Variants in OGDH observed in about 807,000 individuals in gnomAD.
OGDH encodes oxoglutarate dehydrogenase.
Under a neutral mutation model 116.6 loss-of-function variants are expected in OGDH, and 38 were observed. That is an observed-to-expected ratio of 0.33 (90% CI 0.25 to 0.43). OGDH has a LOEUF of 0.43. Ranked by LOEUF, OGDH falls within the 20% of genes least tolerant of loss-of-function variation. OGDH has a pLI of 1.00. For synonymous variants in OGDH, 488 were observed against 533.3 expected (o/e 0.92, Z 1.17); for missense variants, 825 against 1,357.2 (o/e 0.61, Z 6.16).
intron 2 of OGDH, among the ~76,000 whole-genome samples, chr7:44,632,134 T>C (rs986785669): frequency 6.6e-6 from 1 of 152,112 alleles, no homozygotes; most frequent in Non-Finnish European, 1.5e-5. Flanking sequence ...TGTGGGAGCA[T>C]GGACCCCTCA....
At chr7:44,666,065 G>A (rs984761787) in intron 4 of OGDH, among the ~76,000 whole-genome samples, 2 of 152,168 alleles carry the variant, frequency 1.3e-5, no homozygotes, top group African/African-American at 4.8e-5. Flanking sequence ...TGACTGCTGA[G>A]TATTGCCTGC....
intron 5 of OGDH, among the ~76,000 whole-genome samples, chr7:44,668,613 C>T (rs1787289433): frequency 1.3e-5 from 2 of 151,922 alleles, no homozygotes; most frequent in Non-Finnish European, 2.9e-5. Context: ...AGCTTGTGGC[C>T]AGTGGGATGT....
intron 2 of OGDH, among the ~76,000 whole-genome samples, chr7:44,633,252 C>CAAAAAA (rs1163808681): frequency 2.4e-5 from 2 of 81,682 alleles, no homozygotes; most frequent in Admixed American, 1.5e-4. Flanking sequence ...GACTCTGTGT[C>CAAAAAA]AAAAAAAAAA....
chr7:44,622,925 T>G (rs187523587), intron 1 of OGDH: 1 of 152,328 alleles, frequency 6.6e-6, no homozygotes, highest in East Asian at 1.9e-4. Context: ...AGCTGGTGCC[T>G]GCCTTATTGG....
rs931613917 is a variant in OGDH, at chr7:44,674,276, C to T, written c.789-135C>T. 8.8e-6 allele frequency: 9 copies of T among 1,026,248 alleles called. No individual in the cohort carries two copies. In the African/African-American group the frequency reaches 1.3e-4, roughly 15 times the overall value. 63.6% of individuals were successfully genotyped at this position (1,026,248 alleles called of 1,614,324 possible). ...GCCAGGCTGGTCTCGAACTCCTGAC[C>T]TCAGCTGATCTGCCCACCTCGGCCT... On this transcript the variant is annotated intron_variant, in intron 6 of 22. Transcript: ENST00000222673.
rs750888210 is a variant in OGDH at position 44,707,263 on chromosome 7, G to A, written c.2671G>A (p.Ala891Thr). 9.9e-6 allele frequency: 16 copies of A among 1,614,246 alleles called. 1 individual carries two copies. The South Asian group carries it at 1.5e-4, about 16-fold the overall frequency. ...FQRVIPEDGP[A>T]AQNPENVKRL... ...GCGGGTGATCCCAGAAGATGGCCCT[G>A]CAGCTCAGAACCCAGAAAATGTCAA... The change falls in exon 21 of 23, where the codon GCA (alanine) becomes ACA (threonine). Residue 891 changes from alanine (A) to threonine (T), a missense_variant. Ala to Thr is a moderately conservative substitution (Grantham distance 58). This residue lies in a region of OGDH where 212 missense variants were observed against 284.3 expected (regional missense o/e 0.75). Transcript: ENST00000222673. The surrounding 1 kb of genome is among the most constrained non-coding windows in gnomAD (Gnocchi z 5.2).
chr7:44,681,591 C>G, intron 9 of OGDH, 129 bp from the exon 10 acceptor site: 1 of 1,319,744 alleles, frequency 7.6e-7, no homozygotes, highest in Non-Finnish European at 1.0e-6. Flanking sequence ...GACTTTCCTG[C>G]TACTTTCTAT....
At chr7:44,679,237 G>A (rs1355056168) in intron 9 of OGDH, among the ~76,000 whole-genome samples, 1 of 152,192 alleles carries the variant, frequency 6.6e-6, no homozygotes, top group African/African-American at 2.4e-5. Context: ...AAAAGTATCT[G>A]CGGGAAGAAA....
intron 1 of OGDH, among the ~76,000 whole-genome samples, chr7:44,617,527 G>A (rs1273014819): frequency 6.6e-6 from 1 of 152,150 alleles, no homozygotes; most frequent in African/African-American, 2.4e-5. Flanking sequence ...CAGCTTATAT[G>A]TAATGAGGTG....
intron 2 of OGDH, among the ~76,000 whole-genome samples, chr7:44,640,490 A>G (rs1785882749): frequency 6.6e-6 from 1 of 151,976 alleles, no homozygotes; most frequent in Non-Finnish European, 1.5e-5. Flanking sequence ...TTCAAAGCTA[A>G]TTTTATTGAA....
chr7:44,676,345 C>G (rs527917821), intron 9 of OGDH, 196 bp downstream of exon 9: 3 of 1,268,140 alleles, frequency 2.4e-6, no homozygotes, highest in African/African-American at 3.0e-5. Flanking sequence ...CACCTGAGTT[C>G]GGGAGTTGGA....
Position 44,658,829 on chromosome 7 carries a change from T to TTTA in OGDH, c.518-7889_518-7887dup, listed in dbSNP as rs965097852. Among the ~76,000 whole-genome samples the TTTA allele has an allele frequency of 1.1e-4, 17 of 151,994 alleles. No homozygotes were observed. In the South Asian group the frequency reaches 1.2e-3, roughly 11 times the overall value. ...TTCCTGCATTGATATGATCTTGTGATTTATTATTATTATTATTATTTTTTG... is the reference window on the plus strand; with the variant it reads ...TTCCTGCATTGATATGATCTTGTGATTTATTATTATTATTATTATTATTTTTTG... On this transcript the variant is annotated intron_variant, in intron 4 of 22. Coordinates refer to ENST00000222673, the MANE Select transcript of OGDH (RefSeq NM_002541.4).
intron 3 of OGDH, among the ~76,000 whole-genome samples, chr7:44,646,123 A>G (rs114683620): frequency 1.3e-5 from 2 of 152,112 alleles, no homozygotes; most frequent in African/African-American, 2.4e-5. Context: ...ACAATAACCA[A>G]AGTTTTTCTA....
At chr7:44,624,261 A>C in intron 1 of OGDH, 56 bp from the exon 2 acceptor site, 1 of 1,241,066 alleles carries the variant, frequency 8.1e-7, no homozygotes, top group African/African-American at 1.5e-5. Flanking sequence ...CTTGTCTCCT[A>C]AATACTCATT....
At chr7:44,617,876 C>T (rs1434961) in intron 1 of OGDH, among the ~76,000 whole-genome samples, 80,427 of 151,768 alleles carry the variant, frequency 0.53, 21,427 homozygotes, top group East Asian at 0.72. Context: ...CCTTTTTAAT[C>T]ACCCCCCTAC....
chr7:44,656,649 T>A (rs976885841), intron 4 of OGDH, among the ~76,000 whole-genome samples: 2 of 152,210 alleles, frequency 1.3e-5, no homozygotes, highest in African/African-American at 4.8e-5. Flanking sequence ...ATCTTCAGCA[T>A]AATTCACCTT....
rs1488110766 is a variant in OGDH at position 44,697,169 on chromosome 7, C to A, written c.2051+105C>A. ...AGACGGTTAGAAACCGGAAGAGTCA[C>A]ATTGCTCTCAGGCTGAAAACCTCTG... On this transcript the variant is annotated intron_variant, in intron 15 of 22. Transcript: ENST00000222673. This position sits in a 1 kb window ranked among gnomAD's most constrained non-coding sequence, Gnocchi z 6.0. The A allele has an allele frequency of 4.0e-6, 6 of 1,509,026 alleles. No individual in the cohort carries two copies. The highest frequency in any genetic ancestry group is 5.4e-6 in the Non-Finnish European group (6 of 1,109,754). The allele number at this position is 1,509,026 out of a possible 1,614,324, so 93.5% of individuals were successfully genotyped here.
rs184598669 is a variant in OGDH, at chr7:44,707,763, G to A, written c.2951+27G>A. 1.9e-6 allele frequency: 3 copies of A among 1,613,870 alleles called. No homozygotes were observed. The highest frequency in any genetic ancestry group is 3.3e-5 in the Admixed American group (2 of 60,014). ...TAAGGCTTCAGTCCCTGCCAGGAAG[G>A]CTGTGGGACCCTCCCCTCAGGCCAG... On this transcript the variant is annotated intron_variant, in intron 22 of 22. Coordinates refer to ENST00000222673, the MANE Select transcript of OGDH (RefSeq NM_002541.4). This position sits in a 1 kb window ranked among gnomAD's most constrained non-coding sequence, Gnocchi z 5.2.
intron 10 of OGDH, among the ~76,000 whole-genome samples, chr7:44,682,309 C>T (rs560285368): frequency 3.6e-4 from 54 of 151,624 alleles, no homozygotes; most frequent in African/African-American, 1.2e-3. Flanking sequence ...TGCTTGAACC[C>T]GAGAGGTGAA....
Sources: allele counts gnomAD v4.1 joint callset (sites outside exome capture counted in the v4.1 genomes callset), GRCh38; gene constraint gnomAD v4.1.1; regional missense constraint gnomAD v4.1.1; non-coding constraint Gnocchi (gnomAD v3.1); transcripts MANE v1.5; gene names NCBI Gene and HGNC (gene_info 2026-07-23, HGNC 2026-07-21).